The following PHIP variants were observed in gnomAD, a reference collection of about 807,000 sequenced individuals.
PHIP encodes PHIP subunit of CUL4-Ring ligase complex, also known as PH-interacting protein.
A neutral mutation model predicts 236.8 loss-of-function variants in PHIP; 54 were observed. The observed-to-expected ratio is 0.23, with a 90% CI of 0.18 to 0.29. The LOEUF is 0.29. PHIP is among the 10% of genes least tolerant of loss of function. The pLI, the probability that PHIP is intolerant of heterozygous loss-of-function variation, is 1.00. For synonymous variants in PHIP, 756 were observed against 718.9 expected, an observed-to-expected ratio of 1.05 and a Z score of -0.83; for missense variants, 1,370 against 2,190.8, an observed-to-expected ratio of 0.63 and a Z score of 7.48.
At chr6:79,075,134 T>C (rs1333278156) in intron 4 of PHIP, among the ~76,000 whole-genome samples, 1 of 152,152 alleles carries the variant, frequency 6.6e-6, no homozygotes, top group Non-Finnish European at 1.5e-5. Context: ...AGACTTTGCA[T>C]GTGCTGACTT....
At chr6:79,057,668 C>T (rs1344487963) in intron 6 of PHIP, among the ~76,000 whole-genome samples, 2 of 151,858 alleles carry the variant, frequency 1.3e-5, no homozygotes, top group East Asian at 3.9e-4. Flanking sequence ...ACCACACTGA[C>T]CAAGGAAAGA....
chr6:78,947,785 G>C lies in PHIP; in HGVS notation c.4054-10C>G. ...TGATGTCTCTGTAGTCCTAGGAGAG[G>C]GAAAACAGGTGGTGTTATGATTATT... On this transcript the variant is annotated splice_polypyrimidine_tract_variant and intron_variant, in intron 35 of 39. Transcript: ENST00000275034. The C allele has an allele frequency of 6.3e-7, 1 of 1,592,146 alleles. No individual in the cohort carries two copies.
intron 20 of PHIP, among the ~76,000 whole-genome samples, chr6:78,989,669 T>A (rs539501864): frequency 7.0e-4 from 106 of 152,320 alleles, no homozygotes; most frequent in African/African-American, 2.5e-3. Flanking sequence ...ATACATATCA[T>A]TCCTTTTATT....
intron 19 of PHIP, 151 bp downstream of exon 19, chr6:78,997,263 C>T (rs1769682950): frequency 1.9e-6 from 1 of 517,756 alleles, no homozygotes; most frequent in South Asian, 3.3e-5. Context: ...ATTTTAGAAA[C>T]TTAATTTTTC....
At chr6:78,985,846 TAA>T (rs1054402007) in intron 21 of PHIP, among the ~76,000 whole-genome samples, 6 of 152,068 alleles carry the variant, frequency 3.9e-5, no homozygotes, top group Non-Finnish European at 5.9e-5. Flanking sequence ...AATAAAATAA[TAA>T]AAGAGTCAGC....
chr6:79,024,205 G>A (rs922095190), intron 9 of PHIP, among the ~76,000 whole-genome samples: 1 of 152,250 alleles, frequency 6.6e-6, no homozygotes, highest in South Asian at 2.1e-4. Flanking sequence ...TATACATGAA[G>A]TTAAAGAAGC....
At position 78,934,827 on chromosome 6, in the gene PHIP, C is replaced by A. The variant is rs748864109; in HGVS notation, c.*5866G>T. Among the ~76,000 whole-genome samples the A allele has an allele frequency of 6.6e-6, 1 of 152,160 alleles. No individual in the cohort carries two copies. The highest frequency in any genetic ancestry group is 6.6e-5 in the Admixed American group (1 of 15,262). ...TCCTGTCAGGAATGAAGGTCAAATT[C>A]CCATTTCCCAACTCCAGGCCAGTTC... On this transcript the variant is annotated 3_prime_UTR_variant, in exon 40 of 40. Transcript: ENST00000275034.
chr6:79,064,408 G>T (rs1308620670), intron 4 of PHIP, among the ~76,000 whole-genome samples: 1 of 152,048 alleles, frequency 6.6e-6, no homozygotes, highest in African/African-American at 2.4e-5. Flanking sequence ...GTTTTTAAAA[G>T]AATGGTCCAT....
At chr6:79,071,897 C>CTAT (rs147406474) in intron 4 of PHIP, among the ~76,000 whole-genome samples, 3 of 151,136 alleles carry the variant, frequency 2.0e-5, no homozygotes, top group South Asian at 4.2e-4. Flanking sequence ...CTGCATTAGA[C>CTAT]TATTATTATT....
intron 17 of PHIP, among the ~76,000 whole-genome samples, chr6:79,000,533 AATT>A (rs894191830): frequency 1.3e-5 from 2 of 152,056 alleles, no homozygotes; most frequent in Non-Finnish European, 2.9e-5. Context: ...TAATAATAAT[AATT>A]AATTAGCACT....
chr6:79,055,092 G>A (rs1773003589), intron 6 of PHIP, among the ~76,000 whole-genome samples: 2 of 151,764 alleles, frequency 1.3e-5, no homozygotes, highest in South Asian at 4.2e-4. Flanking sequence ...CAAAACTGCA[G>A]AACTTAATAG....
chr6:78,954,080 C>T (rs2127690067), intron 35 of PHIP, among the ~76,000 whole-genome samples: 1 of 152,172 alleles, frequency 6.6e-6, no homozygotes, highest in East Asian at 1.9e-4. Context: ...CATTTGTACA[C>T]AGTGCTTCAC....
chr6:78,949,653 G>A (rs1774028737), intron 35 of PHIP, among the ~76,000 whole-genome samples: 2 of 151,786 alleles, frequency 1.3e-5, no homozygotes, highest in Admixed American at 6.6e-5. Flanking sequence ...TGTGGCATGT[G>A]GTAAGCCCCG....
At chr6:79,064,389 C>T (rs536435294) in intron 4 of PHIP, among the ~76,000 whole-genome samples, 59 of 152,088 alleles carry the variant, frequency 3.9e-4, no homozygotes, top group Non-Finnish European at 7.4e-4. Context: ...TCTTCCTCTC[C>T]GGAAACATGT....
intron 8 of PHIP, 35 bp downstream of exon 8, chr6:79,025,908 C>T: frequency 7.2e-7 from 1 of 1,392,806 alleles, no homozygotes; most frequent in Non-Finnish European, 1.0e-6. Context: ...ATAACAACAA[C>T]AACAACAACA....
At chr6:79,013,347 C>T (rs189484555) in intron 15 of PHIP, among the ~76,000 whole-genome samples, 12 of 151,800 alleles carry the variant, frequency 7.9e-5, no homozygotes, top group African/African-American at 2.9e-4. Context: ...GTTTTGCTCA[C>T]TGTCTGCAAT....
intron 29 of PHIP, among the ~76,000 whole-genome samples, chr6:78,965,408 A>C (rs1307512085): frequency 1.3e-5 from 2 of 152,222 alleles, no homozygotes; most frequent in East Asian, 3.8e-4. Context: ...AAGTTACAAA[A>C]GTGTCTCTGC....
chr6:79,026,245 C>A, intron 7 of PHIP, 81 bp from the exon 8 acceptor site: 1 of 948,178 alleles, frequency 1.1e-6, no homozygotes, highest in South Asian at 1.4e-5. Context: ...TCTACCTGTT[C>A]TGTCCACTTC....
At chr6:78,978,531 C>G in intron 24 of PHIP, 61 bp downstream of exon 24, 1 of 1,341,274 alleles carries the variant, frequency 7.5e-7, no homozygotes. Context: ...ATTTCAAGAG[C>G]TGTTAAAAAA....
Sources: allele counts gnomAD v4.1 joint callset (sites outside exome capture counted in the v4.1 genomes callset), GRCh38; gene constraint gnomAD v4.1.1; transcripts MANE v1.5; gene names NCBI Gene and HGNC (gene_info 2026-07-23, HGNC 2026-07-21).